The following ZNF76 variants were observed in gnomAD, a reference collection of about 807,000 sequenced individuals.
The protein encoded by ZNF76 is zinc finger protein 523.
ZNF76 carries 66 observed loss-of-function variants against 66.9 expected under a neutral mutation model. The ratio of observed to expected loss-of-function variants is 0.99; its 90% confidence interval spans 0.81 to 1.21. The LOEUF (loss-of-function observed/expected upper bound fraction) is 1.21, where lower values mean the gene tolerates loss of function less well. Ranked by LOEUF, ZNF76 falls within the 50% of genes most tolerant of loss-of-function variation. The probability of loss-of-function intolerance (pLI) is 0.00; values close to 1 mark genes in which losing one functional copy is unlikely to be tolerated. For synonymous variants in ZNF76, 275 were observed against 296.1 expected (o/e 0.93, Z 0.73); for missense variants, 729 against 760.3 (o/e 0.96, Z 0.48).
intron 6 of ZNF76, 96 bp downstream of exon 6, chr6:35,290,478 A>C: frequency 6.4e-7 from 1 of 1,560,340 alleles, no homozygotes; most frequent in Non-Finnish European, 8.7e-7. Context: ...CCCTGCCCTC[A>C]CGTTGCTGGA....
At position 35,287,867 on chromosome 6, in the gene ZNF76, C is replaced by T. The variant is rs1416028047; in HGVS notation, c.432+22C>T. On this transcript the variant is annotated intron_variant, in intron 5 of 13. Transcript: ENST00000373953. This position sits in a 1 kb window ranked among gnomAD's most constrained non-coding sequence, Gnocchi z 4.0. ...CAAGGTGAGCACGCACAGCGTGACA[C>T]GGTCTGTCACTCTAGACAACCGGGC... 24 of 1,562,440 alleles carry T rather than the reference C, an allele frequency of 1.5e-5. No homozygotes were observed. Among genetic ancestry groups the T allele is most frequent in the Middle Eastern group, 3.3e-4 (2 of 6,028 alleles).
intron 13 of ZNF76, chr6:35,294,932 C>A: frequency 3.4e-6 from 2 of 588,980 alleles, no homozygotes; most frequent in Non-Finnish European, 6.0e-6. Context: ...CTCTCTGACC[C>A]TGGCTATTCC....
At chr6:35,261,890 T>A (rs1785307392) in intron 1 of ZNF76, among the ~76,000 whole-genome samples, 1 of 152,142 alleles carries the variant, frequency 6.6e-6, no homozygotes, top group Admixed American at 6.5e-5. Flanking sequence ...TGACTTTTGA[T>A]CTCATATCCC....
chr6:35,279,242 G>T, intron 1 of ZNF76: 2 of 167,180 alleles, frequency 1.2e-5, no homozygotes, highest in South Asian at 3.8e-4. Context: ...AGATTGCTTG[G>T]GAATTTAGCA....
At chr6:35,293,990 T>G in intron 12 of ZNF76, 75 bp downstream of exon 12, 2 of 1,534,922 alleles carry the variant, frequency 1.3e-6, no homozygotes, top group East Asian at 4.6e-5. Flanking sequence ...AAGTGCAGCC[T>G]AAACTAGTCA....
intron 2 of ZNF76, among the ~76,000 whole-genome samples, chr6:35,284,859 C>T (rs1789313440): frequency 6.6e-6 from 1 of 152,110 alleles, no homozygotes; most frequent in South Asian, 2.1e-4. Context: ...CACAGGCATG[C>T]ACTACTACAT....
In ZNF76 at chr6:35,292,240, T is replaced by A; in HGVS notation, c.932-314T>A. On this transcript the variant is annotated intron_variant, in intron 9 of 13. Coordinates refer to ENST00000373953, the MANE Select transcript of ZNF76 (RefSeq NM_003427.5). The surrounding 1 kb of genome is among the most constrained non-coding windows in gnomAD (Gnocchi z 4.7). Reference sequence around the variant, plus strand: ...AGTCATCCTTGCCTCTTGCCTCTGCTGTTCACCATTCTCAACCTCCCACCC... The same window carrying A: ...AGTCATCCTTGCCTCTTGCCTCTGCAGTTCACCATTCTCAACCTCCCACCC... The A allele has an allele frequency of 2.1e-6, 1 of 475,086 alleles. No homozygotes were observed. Among genetic ancestry groups the A allele is most frequent in the Non-Finnish European group, 3.9e-6 (1 of 256,602 alleles). 29.4% of individuals were successfully genotyped at this position (475,086 alleles called of 1,614,324 possible). A position where few individuals can be genotyped will look rare whatever the true frequency, so the allele number is the denominator to read the frequency against.
chr6:35,287,769 T>G lies in ZNF76; in HGVS notation c.356T>G (p.Leu119Trp), dbSNP rs34368976. 11 of 1,613,964 alleles carry G rather than the reference T, an allele frequency of 6.8e-6. No individual in the cohort carries two copies. The African/African-American group carries it at 1.2e-4, about 18-fold the overall frequency. ...CTGGCCGTACAGACAGAGGTGGGCTTGGAGGACCTGGCAGCAGAGGATGAT... is the reference window on the plus strand; with the variant it reads ...CTGGCCGTACAGACAGAGGTGGGCTGGGAGGACCTGGCAGCAGAGGATGAT... ...TILAVQTEVG[L>W]EDLAAEDDEG... The change falls in exon 5 of 14, where the codon TTG (leucine) becomes TGG (tryptophan). Residue 119 changes from leucine (L) to tryptophan (W), a missense_variant. Coordinates refer to ENST00000373953, the MANE Select transcript of ZNF76 (RefSeq NM_003427.5). This position sits in a 1 kb window ranked among gnomAD's most constrained non-coding sequence, Gnocchi z 4.0.
intron 5 of ZNF76, chr6:35,288,307 C>T: frequency 2.7e-6 from 1 of 368,316 alleles, no homozygotes; most frequent in Admixed American, 3.3e-5. Context: ...CCTCAGTGGG[C>T]TATGACAAGG....
Position 35,291,687 on chromosome 6 carries a change from G to T in ZNF76, c.881G>T (p.Arg294Leu). The T allele has an allele frequency of 6.2e-7, 1 of 1,613,240 alleles. No individual in the cohort carries two copies. The highest frequency in any genetic ancestry group is 8.5e-7 in the Non-Finnish European group (1 of 1,180,008). The part of the protein sequence containing the change: ...PYTCPEPHCG[R>L]GFTSATNYKN... Reference sequence around the variant, plus strand: ...ACCTGCCCGGAGCCCCACTGTGGCCGCGGCTTCACCAGCGCCACCAACTAT... The same window carrying T: ...ACCTGCCCGGAGCCCCACTGTGGCCTCGGCTTCACCAGCGCCACCAACTAT... Residue 294 changes from arginine to leucine, a missense_variant, in exon 9 of 14, where the codon CGC (arginine) becomes CTC (leucine). Arg to Leu is a moderately radical substitution (Grantham distance 102). Coordinates refer to ENST00000373953, the MANE Select transcript of ZNF76 (RefSeq NM_003427.5).
chr6:35,275,410 A>G (rs897676003), intron 1 of ZNF76, among the ~76,000 whole-genome samples: 2 of 152,154 alleles, frequency 1.3e-5, no homozygotes, highest in African/African-American at 4.8e-5. Flanking sequence ...TGAACCGGCA[A>G]GTGCAGGCAG....
intron 12 of ZNF76, 76 bp downstream of exon 12, chr6:35,293,991 A>G: frequency 2.0e-6 from 3 of 1,529,824 alleles, no homozygotes; most frequent in Admixed American, 3.8e-5. Context: ...AGTGCAGCCT[A>G]AACTAGTCAA....
intron 1 of ZNF76, among the ~76,000 whole-genome samples, chr6:35,278,811 G>C (rs1788314525): frequency 6.6e-6 from 1 of 152,196 alleles, no homozygotes; most frequent in Admixed American, 6.5e-5. Context: ...GGAAGCTTCA[G>C]TGCTTCCCAC....
In ZNF76 at chr6:35,287,665, C is replaced by G. The variant is rs944728586; in HGVS notation, c.252C>G (p.Thr84=). The G allele has an allele frequency of 3.1e-6, 5 of 1,613,206 alleles. No homozygotes were observed. The East Asian group carries it at 1.1e-4, about 36-fold the overall frequency. The change falls in exon 5 of 14, where the codon ACC becomes ACG. Residue 84 remains threonine (T), a synonymous_variant. Transcript: ENST00000373953. The surrounding 1 kb of genome is among the most constrained non-coding windows in gnomAD (Gnocchi z 4.0). The part of the protein sequence containing the change: ...RTPREGYDPS[T]LEAVQLEDGS... ...CTGCAGAAGGCTATGACCCCAGCACCCTGGAAGCCGTCCAACTGGAAGATG... is the reference window on the plus strand; with the variant it reads ...CTGCAGAAGGCTATGACCCCAGCACGCTGGAAGCCGTCCAACTGGAAGATG...
Position 35,290,896 on chromosome 6 carries a change from T to C in ZNF76, c.625+180T>C, listed in dbSNP as rs1428578341. ...GTTACGGGAGTGCAAGGCAGCATGG[T>C]TCAGGCCAGCAGAAGGAGCCTGGAG... is the stretch of plus-strand genomic sequence containing the variant. On this transcript the variant is annotated intron_variant, in intron 7 of 13. Transcript: ENST00000373953. The C allele has an allele frequency of 3.3e-5, 21 of 644,950 alleles. No individual in the cohort carries two copies. The East Asian group carries it at 5.2e-4, about 16-fold the overall frequency. 40.0% of individuals were successfully genotyped at this position (644,950 alleles called of 1,614,324 possible).
intron 1 of ZNF76, among the ~76,000 whole-genome samples, chr6:35,269,907 A>G (rs1786753651): frequency 6.6e-6 from 1 of 152,076 alleles, no homozygotes; most frequent in East Asian, 1.9e-4. Context: ...TTTCCATATG[A>G]TGTTATAGAA....
intron 1 of ZNF76, among the ~76,000 whole-genome samples, chr6:35,263,849 C>G (rs1433543086): frequency 6.6e-6 from 1 of 152,156 alleles, no homozygotes; most frequent in African/African-American, 2.4e-5. Flanking sequence ...CTCCTGAGTT[C>G]AAGTGATTCT....
chr6:35,265,463 C>T (rs936354089), intron 1 of ZNF76, among the ~76,000 whole-genome samples: 5 of 150,218 alleles, frequency 3.3e-5, no homozygotes, highest in Non-Finnish European at 5.9e-5. Context: ...GCTGAGATCA[C>T]GCTGCTGCAC....
chr6:35,294,498 A>C lies in ZNF76; in HGVS notation c.1537A>C (p.Ser513Arg), dbSNP rs1417387587. Reference sequence around the variant, plus strand: ...TGGGGCTGTGGTGGCTGAGGACTCAAGTGTAGCATCTCTTCGTCATCAACA... The same window carrying C: ...TGGGGCTGTGGTGGCTGAGGACTCACGTGTAGCATCTCTTCGTCATCAACA... ...TSGAVVAEDSSVASLRHQQVA... is the reference protein window; with the variant it reads ...TSGAVVAEDSRVASLRHQQVA... Residue 513 changes from serine to arginine, a missense_variant, in exon 13 of 14, where the codon AGT becomes CGT. Coordinates refer to ENST00000373953, the MANE Select transcript of ZNF76 (RefSeq NM_003427.5). The C allele has an allele frequency of 6.2e-7, 1 of 1,614,062 alleles. No individual in the cohort carries two copies. The highest frequency in any genetic ancestry group is 8.5e-7 in the Non-Finnish European group (1 of 1,180,002).
Sources: gnomAD v4.1 joint callset for allele counts (sites outside exome capture counted in the v4.1 genomes callset) on GRCh38, gnomAD v4.1.1 for gene constraint, Gnocchi (gnomAD v3.1) non-coding constraint, MANE v1.5 for transcripts, NCBI Gene and HGNC (gene_info 2026-07-23, HGNC 2026-07-21) for gene names.